Variants in PIGV observed in about 807,000 individuals in gnomAD.
PIGV encodes GPI alpha-1,6-mannosyltransferase 2.
A neutral mutation model predicts 39.2 loss-of-function variants in PIGV; 27 were observed. The observed-to-expected ratio is 0.69, with a 90% confidence interval of 0.51 to 0.95. The LOEUF is 0.95. Among genes scored for constraint, PIGV ranks in the 40% least tolerant of loss-of-function variants. The probability of loss-of-function intolerance (pLI) is 0.00; values close to 1 mark genes in which losing one functional copy is unlikely to be tolerated. For missense variants in PIGV, 523 were observed against 586.4 expected (o/e 0.89, Z 1.12); for synonymous variants, 232 against 241.7 (o/e 0.96, Z 0.37).
rs1193360831 is a variant in PIGV, at chr1:26,800,629, A to AT, written c.*2789dup. Reference sequence around the variant, plus strand: ...TTTCAGTAATTGTTTATTAATGCCTATTTTAGGGGAATAAAGATGACTCAG... The same window carrying AT: ...TTTCAGTAATTGTTTATTAATGCCTATTTTTAGGGGAATAAAGATGACTCAG... On this transcript the variant is annotated 3_prime_UTR_variant, in exon 4 of 4. Coordinates refer to ENST00000674202, the MANE Select transcript of PIGV (RefSeq NM_017837.4). Among the ~76,000 whole-genome samples, 1 of 152,130 alleles carries AT rather than the reference A, an allele frequency of 6.6e-6. No individual in the cohort carries two copies. The highest frequency in any genetic ancestry group is 1.5e-5 in the Non-Finnish European group (1 of 68,024).
chr1:26,797,706 G>A lies in PIGV; in HGVS notation c.1344G>A (p.Lys448=), dbSNP rs1221889497. ...PLAEDSPPGQ[K]VPRNPIMGLL... Reference sequence around the variant, plus strand: ...CAGAGGACTCCCCACCAGGACAAAAGGTCCCCAGAAATCCTATCATGGGAC... The same window carrying A: ...CAGAGGACTCCCCACCAGGACAAAAAGTCCCCAGAAATCCTATCATGGGAC... Residue 448 remains lysine (K), a synonymous_variant, in exon 4 of 4, where the codon AAG becomes AAA. Transcript: ENST00000674202. 4 of 1,614,010 alleles carry A rather than the reference G, an allele frequency of 2.5e-6. No homozygotes were observed. The highest frequency in any genetic ancestry group is 3.4e-6 in the Non-Finnish European group (4 of 1,180,008).
intron 1 of PIGV, among the ~76,000 whole-genome samples, chr1:26,789,760 AAG>A (rs1232290819): frequency 6.6e-6 from 1 of 152,180 alleles, no homozygotes; most frequent in African/African-American, 2.4e-5. Flanking sequence ...AGAGAAGAAA[AAG>A]AGTCTTCCAG....
At chr1:26,793,501 C>G (rs1167153598) in intron 2 of PIGV, among the ~76,000 whole-genome samples, 1 of 152,198 alleles carries the variant, frequency 6.6e-6, no homozygotes, top group Non-Finnish European at 1.5e-5. Flanking sequence ...CTCTTGGGTT[C>G]CCTGCCACCT....
At position 26,800,194 on chromosome 1, in the gene PIGV, T is replaced by G. The variant is rs75809210; in HGVS notation, c.*2350T>G. ...TCTCTCTGACCTTGCAGGGATTTAG[T>G]TGTTCTCTAAGGAGCTAAGGAATGG... is the stretch of plus-strand genomic sequence containing the variant. On this transcript the variant is annotated 3_prime_UTR_variant, in exon 4 of 4. Coordinates refer to ENST00000674202, the MANE Select transcript of PIGV (RefSeq NM_017837.4). Among the ~76,000 whole-genome samples the G allele has an allele frequency of 0.011, 1,651 of 151,854 alleles. 24 individuals carry two copies. The highest frequency in any genetic ancestry group is 0.036 in the African/African-American group (1,510 of 41,518).
Position 26,797,512 on chromosome 1 carries a change from G to A in PIGV, c.1201-51G>A, listed in dbSNP as rs761911508. On this transcript the variant is annotated intron_variant, in intron 3 of 3. Coordinates refer to ENST00000674202, the MANE Select transcript of PIGV (RefSeq NM_017837.4). ...AAGTCCCCGGGCTGGTCCAATTTGA[G>A]TCAGTGACATTCCAGTAAATGTCTG... 3.7e-5 allele frequency: 57 copies of A among 1,540,686 alleles called. 2 individuals carry two copies. The South Asian group carries it at 6.3e-4, about 17-fold the overall frequency.
At chr1:26,787,471 C>A (rs1011163454), upstream of PIGV, 1 of 152,402 alleles carries the variant, frequency 6.6e-6, no homozygotes, top group African/African-American at 2.4e-5. Context: ...CCACTTTCTT[C>A]ACACCCAGGA....
Position 26,794,555 on chromosome 1 carries a change from C to T in PIGV, c.521C>T (p.Ala174Val). ...GCTGGTTACTCAGAAGCTTTGTTTGCCCTCCTGACATTCAGTGCCATGGGG... is the reference window on the plus strand; with the variant it reads ...GCTGGTTACTCAGAAGCTTTGTTTGTCCTCCTGACATTCAGTGCCATGGGG... ...LAAGYSEALF[A>V]LLTFSAMGQL... is the part of the protein sequence containing the mutation. The change falls in exon 3 of 4, where the codon GCC becomes GTC. Residue 174 changes from alanine to valine, a missense_variant. By Grantham distance (64) the Ala-to-Val change is moderately conservative. Coordinates refer to ENST00000674202, the MANE Select transcript of PIGV (RefSeq NM_017837.4). 1 of 1,614,218 alleles carries T rather than the reference C, an allele frequency of 6.2e-7. No homozygotes were observed. The highest frequency in any genetic ancestry group is 8.5e-7 in the Non-Finnish European group (1 of 1,180,036).
In PIGV at chr1:26,793,810, C is replaced by T. The variant is rs77384067; in HGVS notation, c.79-303C>T. On this transcript the variant is annotated intron_variant, in intron 2 of 3. Coordinates refer to ENST00000674202, the MANE Select transcript of PIGV (RefSeq NM_017837.4). ...TTCTAGTAGAGACAAGGTCTTGCTA[C>T]GTTGCCCAGGCTGGTCTTAAACTCC... 2.5e-4 allele frequency among the ~76,000 whole-genome samples: 38 copies of T among 152,170 alleles called. No homozygotes were observed. The South Asian group carries it at 2.7e-3, about 11-fold the overall frequency.
chr1:26,793,759 C>T (rs76573025), intron 2 of PIGV, among the ~76,000 whole-genome samples: 2 of 152,120 alleles, frequency 1.3e-5, no homozygotes, highest in Admixed American at 6.5e-5. Context: ...TGTGCCACCA[C>T]ACCCAGCTAA....
chr1:26,794,884 G>A lies in PIGV; in HGVS notation c.850G>A (p.Gly284Ser), dbSNP rs2081360709. 6.2e-7 allele frequency: 1 copy of A among 1,614,170 alleles called. No individual in the cohort carries two copies. The highest frequency in any genetic ancestry group is 8.5e-7 in the Non-Finnish European group (1 of 1,180,032). ...TTTGGTACAGTTAGCTGTAGACAAGGGCTACCGGATTGCAGAGGGAAATGA... is the reference window on the plus strand; with the variant it reads ...TTTGGTACAGTTAGCTGTAGACAAGAGCTACCGGATTGCAGAGGGAAATGA... ...EPLVQLAVDK[G>S]YRIAEGNEPP... Residue 284 changes from glycine (G) to serine (S), a missense_variant, in exon 3 of 4, where the codon GGC becomes AGC. By Grantham distance (56) the Gly-to-Ser change is moderately conservative. Coordinates refer to ENST00000674202, the MANE Select transcript of PIGV (RefSeq NM_017837.4).
In PIGV at chr1:26,794,273, T is replaced by C; in HGVS notation, c.239T>C (p.Leu80Pro). The change falls in exon 3 of 4, where the codon CTG (leucine) becomes CCG (proline). Residue 80 changes from leucine (L) to proline (P), a missense_variant. Leu to Pro is a moderately conservative substitution (Grantham distance 98). Transcript: ENST00000674202. ...TTGTTCATTGCTGAGCATGGCTACC[T>C]GTATGAGCACAACTTTGCCTTCTTT... Reference protein sequence around the residue: ...HFLFIAEHGYLYEHNFAFFPG... With the variant: ...HFLFIAEHGYPYEHNFAFFPG... The C allele has an allele frequency of 6.2e-7, 1 of 1,614,246 alleles. No individual in the cohort carries two copies. The highest frequency in any genetic ancestry group is 8.5e-7 in the Non-Finnish European group (1 of 1,180,044).
At chr1:26,789,864 G>T (rs2081288511) in intron 1 of PIGV, among the ~76,000 whole-genome samples, 2 of 151,962 alleles carry the variant, frequency 1.3e-5, no homozygotes, top group African/African-American at 2.4e-5. Context: ...TGATGCTTTT[G>T]CTTTCCTTTC....
intron 3 of PIGV, among the ~76,000 whole-genome samples, chr1:26,796,450 G>A (rs558047672): frequency 3.9e-5 from 6 of 152,230 alleles, no homozygotes; most frequent in African/African-American, 9.6e-5. Context: ...TTATAGGCAC[G>A]AGCCACTGCG....
chr1:26,794,533 G>C lies in PIGV; in HGVS notation c.499G>C (p.Gly167Arg). Residue 167 changes from glycine to arginine, a missense_variant, in exon 3 of 4, where the codon GGT becomes CGT. Transcript: ENST00000674202. ...LSPANVFLAA[G>R]YSEALFALLT... ...CCCTGCCAATGTCTTCCTGGCAGCT[G>C]GTTACTCAGAAGCTTTGTTTGCCCT... is the stretch of plus-strand genomic sequence containing the variant. 3 of 1,614,200 alleles carry C rather than the reference G, an allele frequency of 1.9e-6. No homozygotes were observed. The highest frequency in any genetic ancestry group is 2.5e-6 in the Non-Finnish European group (3 of 1,180,046).
At chr1:26,789,494 T>A (rs1166979252) in intron 1 of PIGV, among the ~76,000 whole-genome samples, 5 of 152,238 alleles carry the variant, frequency 3.3e-5, no homozygotes, top group African/African-American at 1.2e-4. Context: ...ATTTCATATC[T>A]AGAGTCAGTG....
chr1:26,795,939 A>T (rs1205944717), intron 3 of PIGV, among the ~76,000 whole-genome samples: 1 of 150,648 alleles, frequency 6.6e-6, no homozygotes, highest in East Asian at 2.0e-4. Context: ...GCTCACTGCA[A>T]CCTGTGTCTC....
intron 3 of PIGV, 25 bp from the exon 4 acceptor site, chr1:26,797,538 G>T: frequency 6.2e-7 from 1 of 1,609,166 alleles, no homozygotes; most frequent in Non-Finnish European, 8.5e-7. Context: ...TAAATGTCTG[G>T]ATATTCCCCT....
Position 26,795,030 on chromosome 1 carries a change from A to C in PIGV, c.996A>C (p.Ala332=), listed in dbSNP as rs756227754. 1.2e-6 allele frequency: 2 copies of C among 1,614,180 alleles called. No individual in the cohort carries two copies. Among genetic ancestry groups the C allele is most frequent in the Non-Finnish European group, 1.7e-6 (2 of 1,180,012 alleles). ...LKQVPNFLLA[A]PVAILVAWAT... is the part of the protein sequence containing the mutation. Reference sequence around the variant, plus strand: ...AGGTGCCCAATTTTCTACTGGCTGCACCAGTGGCTATACTGGTTGCCTGGG... The same window carrying C: ...AGGTGCCCAATTTTCTACTGGCTGCCCCAGTGGCTATACTGGTTGCCTGGG... The change falls in exon 3 of 4, where the codon GCA becomes GCC. Residue 332 remains alanine (A), a synonymous_variant. Coordinates refer to ENST00000674202, the MANE Select transcript of PIGV (RefSeq NM_017837.4).
At position 26,799,026 on chromosome 1, in the gene PIGV, C is replaced by A. The variant is rs940304566; in HGVS notation, c.*1182C>A. ...GAACTGCCTTAAACAACAGAATCAC[C>A]CCAGTCTAAATGCTAATGTAGAGGC... On this transcript the variant is annotated 3_prime_UTR_variant, in exon 4 of 4. Transcript: ENST00000674202. Among the ~76,000 whole-genome samples, 9 of 152,130 alleles carry A rather than the reference C, an allele frequency of 5.9e-5. No individual in the cohort carries two copies. Among genetic ancestry groups the A allele is most frequent in the African/African-American group, 1.4e-4 (6 of 41,432 alleles).
Sources: gnomAD v4.1 joint callset for allele counts (sites outside exome capture counted in the v4.1 genomes callset) on GRCh38, gnomAD v4.1.1 for gene constraint, MANE v1.5 for transcripts, NCBI Gene and HGNC (gene_info 2026-07-23, HGNC 2026-07-21) for gene names.